Variants in GPHN observed in about 807,000 individuals in gnomAD.
The protein encoded by GPHN is gephyrin.
In GPHN, 17 loss-of-function variants were observed where a neutral mutation model predicts 95.5. That is an observed-to-expected ratio of 0.18 (90% CI 0.12 to 0.27). The LOEUF is 0.27. Ranked by LOEUF, GPHN falls within the 10% of genes least tolerant of loss-of-function variation. The probability of loss-of-function intolerance (pLI) is 1.00; values close to 1 mark genes in which losing one functional copy is unlikely to be tolerated. For synonymous variants in GPHN, 320 were observed against 322.5 expected (o/e 0.99, Z 0.08); for missense variants, 660 against 978.1 (o/e 0.67, Z 4.34).
chr14:67,055,033 C>T lies in GPHN; in HGVS notation c.1007-3616C>T, dbSNP rs576520959. On this transcript the variant is annotated intron_variant, in intron 10 of 22. Transcript: ENST00000478722. ...GGCAATACCATTCAGGACATAGATACGGACAAAGATTTCGTGACAAAAACG... is the reference window on the plus strand; with the variant it reads ...GGCAATACCATTCAGGACATAGATATGGACAAAGATTTCGTGACAAAAACG... Among the ~76,000 whole-genome samples the T allele has an allele frequency of 3.3e-5, 5 of 152,180 alleles. No individual in the cohort carries two copies. The East Asian group carries it at 5.8e-4, about 18-fold the overall frequency.
the GPHN span, chr14:67,225,046 T>G: frequency 2.1e-6 from 3 of 1,418,278 alleles, no homozygotes; most frequent in Non-Finnish European, 2.8e-6. Context: ...GCTTTTGGCT[T>G]TTTTTCTTTC....
At chr14:67,483,565 G>A in the GPHN span, among the ~76,000 whole-genome samples, 1 of 152,236 alleles carries the variant, frequency 6.6e-6, no homozygotes, top group Non-Finnish European at 1.5e-5. Flanking sequence ...GGGTGTCAGA[G>A]TTCCTAAAGG....
Position 66,888,995 on chromosome 14 carries a change from C to A in GPHN, c.389+8962C>A, listed in dbSNP as rs182946537. Among the ~76,000 whole-genome samples, 267 of 152,114 alleles carry A rather than the reference C, an allele frequency of 1.8e-3. 1 individual carries two copies. The Middle Eastern group carries it at 0.044, about 25-fold the overall frequency. ...AAATATCTTAAATCCAAAAAGTTTA[C>A]AAGAGACAAAGGATATATGTTACTA... On this transcript the variant is annotated intron_variant, in intron 5 of 22. Coordinates refer to ENST00000478722, the MANE Select transcript of GPHN (RefSeq NM_020806.5).
intron 1 of GPHN, among the ~76,000 whole-genome samples, chr14:66,584,915 G>A (rs1161931294): frequency 6.6e-6 from 1 of 152,168 alleles, no homozygotes; most frequent in Admixed American, 6.5e-5. Flanking sequence ...AATGAGGTAG[G>A]GAGGATTCCC....
At chr14:66,613,576 A>G (rs921521110) in intron 1 of GPHN, among the ~76,000 whole-genome samples, 5 of 152,182 alleles carry the variant, frequency 3.3e-5, no homozygotes, top group Non-Finnish European at 7.4e-5. Flanking sequence ...ACATCTACAA[A>G]TTATTGTGAA....
At chr14:67,346,742 A>C in the GPHN span, among the ~76,000 whole-genome samples, 1 of 152,264 alleles carries the variant, frequency 6.6e-6, no homozygotes, top group Non-Finnish European at 1.5e-5. Context: ...TCTAGAAAGA[A>C]TCAGCATTCA....
chr14:67,119,955 C>T (rs1041802900), intron 16 of GPHN, among the ~76,000 whole-genome samples: 4 of 151,924 alleles, frequency 2.6e-5, no homozygotes, highest in African/African-American at 9.7e-5. Context: ...CATGGCAAAC[C>T]CCCGTCTCTA....
At chr14:66,978,112 G>A (rs905690655) in intron 9 of GPHN, among the ~76,000 whole-genome samples, 10 of 152,130 alleles carry the variant, frequency 6.6e-5, no homozygotes, top group South Asian at 2.1e-4. Flanking sequence ...TAAAAAATAC[G>A]TTAGTCCTAA....
chr14:66,656,029 T>C (rs1055454091), intron 1 of GPHN, among the ~76,000 whole-genome samples: 4 of 152,184 alleles, frequency 2.6e-5, no homozygotes, highest in African/African-American at 4.8e-5. Flanking sequence ...TTTGGATATA[T>C]ATTCACATGA....
chr14:66,913,090 C>T (rs2065746871), intron 5 of GPHN, among the ~76,000 whole-genome samples: 1 of 152,086 alleles, frequency 6.6e-6, no homozygotes, highest in African/African-American at 2.4e-5. Flanking sequence ...GGACATTTTG[C>T]CTTTCCAACA....
the GPHN span, among the ~76,000 whole-genome samples, chr14:67,595,307 G>A: frequency 1.1e-4 from 16 of 152,136 alleles, no homozygotes; most frequent in South Asian, 2.1e-4. Flanking sequence ...TTGAAGTACC[G>A]TTCCTACTTG....
rs572876680 is a variant in GPHN at position 66,757,493 on chromosome 14, G to A, written c.144-18971G>A. ...CAGCCTCCACCTCCTGGGTTCAAGC[G>A]ATTCTCCTGCCTTAGCCTCCCGAGT... On this transcript the variant is annotated intron_variant, in intron 2 of 22. Coordinates refer to ENST00000478722, the MANE Select transcript of GPHN (RefSeq NM_020806.5). 9.9e-5 allele frequency among the ~76,000 whole-genome samples: 15 copies of A among 152,230 alleles called. No homozygotes were observed. The South Asian group carries it at 3.1e-3, about 32-fold the overall frequency.
At chr14:67,226,640 C>T in the GPHN span, among the ~76,000 whole-genome samples, 19 of 144,634 alleles carry the variant, frequency 1.3e-4, no homozygotes, top group African/African-American at 4.4e-4. Context: ...GGATTACAGG[C>T]GTGAGCCACT....
At chr14:67,365,988 A>G in the GPHN span, among the ~76,000 whole-genome samples, 10 of 152,292 alleles carry the variant, frequency 6.6e-5, no homozygotes, top group South Asian at 4.1e-4. Flanking sequence ...GCCCCGCCCA[A>G]AATTATTAAA....
chr14:66,888,323 A>T (rs1251562677), intron 5 of GPHN, among the ~76,000 whole-genome samples: 1 of 152,124 alleles, frequency 6.6e-6, no homozygotes, highest in Non-Finnish European at 1.5e-5. Context: ...GGGGAAAAAA[A>T]CTCCCTATCT....
intron 9 of GPHN, among the ~76,000 whole-genome samples, chr14:66,978,942 T>G (rs1278774781): frequency 6.6e-6 from 1 of 152,178 alleles, no homozygotes; most frequent in Non-Finnish European, 1.5e-5. Flanking sequence ...ATTATCTCCT[T>G]GTATATCCCA....
At chr14:67,642,280 T>A in the GPHN span, 2 of 1,613,994 alleles carry the variant, frequency 1.2e-6, no homozygotes, top group African/African-American at 1.3e-5. Context: ...GCTCAGTGGG[T>A]CTTGCCAACC....
At chr14:67,650,587 T>C in the GPHN span, 6 of 770,514 alleles carry the variant, frequency 7.8e-6, no homozygotes, top group South Asian at 1.0e-4. Flanking sequence ...TTCCTAAAAA[T>C]AGGTATTTTC....
chr14:67,654,896 G>A, the GPHN span, among the ~76,000 whole-genome samples: 1 of 152,080 alleles, frequency 6.6e-6, no homozygotes, highest in Middle Eastern at 3.4e-3. Context: ...GGGTGTGGTG[G>A]CAGACGCCTG....
Sources: allele counts gnomAD v4.1 joint callset (sites outside exome capture counted in the v4.1 genomes callset), GRCh38; gene constraint gnomAD v4.1.1; transcripts MANE v1.5; gene names NCBI Gene and HGNC (gene_info 2026-07-23, HGNC 2026-07-21).